SLC9A9: variants seen among roughly 807,000 people sequenced by gnomAD.
The protein encoded by SLC9A9 is solute carrier family 9 member A9.
In SLC9A9, 62 loss-of-function variants were observed where a neutral mutation model predicts 77.8. The observed-to-expected ratio is 0.80, with a 90% confidence interval of 0.65 to 0.98. The LOEUF (loss-of-function observed/expected upper bound fraction) is 0.98, where lower values mean the gene tolerates loss of function less well. SLC9A9 is among the 50% of genes least tolerant of loss of function. The pLI, the probability that SLC9A9 is intolerant of heterozygous loss-of-function variation, is 0.00. For missense variants in SLC9A9, 775 were observed against 774.9 expected (o/e 1.00, Z 0.00); for synonymous variants, 320 against 283.5 (o/e 1.13, Z -1.29).
intron 5 of SLC9A9, among the ~76,000 whole-genome samples, chr3:143,679,794 A>G (rs1233466133): frequency 2.0e-5 from 3 of 152,252 alleles, no homozygotes; most frequent in African/African-American, 4.8e-5. Flanking sequence ...AAATCAACAA[A>G]CAAAAAACGG....
chr3:143,568,290 C>A (rs1167778789), intron 8 of SLC9A9, among the ~76,000 whole-genome samples: 2 of 152,010 alleles, frequency 1.3e-5, no homozygotes, highest in East Asian at 3.9e-4. Context: ...TGTCCTAATT[C>A]TCTTTGTCAG....
chr3:143,470,084 A>G (rs838623), intron 11 of SLC9A9, among the ~76,000 whole-genome samples: 3 of 152,218 alleles, frequency 2.0e-5, no homozygotes, highest in South Asian at 2.1e-4. Flanking sequence ...TCAAGGAAAC[A>G]GTCGTACAAT....
chr3:143,481,782 C>G (rs2035579185), intron 11 of SLC9A9, among the ~76,000 whole-genome samples: 1 of 152,090 alleles, frequency 6.6e-6, no homozygotes, highest in Non-Finnish European at 1.5e-5. Context: ...TGGAAGTGTC[C>G]CCTTTACATG....
At chr3:143,402,475 G>A (rs1227554702) in intron 12 of SLC9A9, among the ~76,000 whole-genome samples, 2 of 113,900 alleles carry the variant, frequency 1.8e-5, no homozygotes, top group African/African-American at 6.7e-5. Flanking sequence ...TTGTAGAACT[G>A]AAAGATACTT....
At chr3:143,508,044 A>G (rs950297336) in intron 9 of SLC9A9, among the ~76,000 whole-genome samples, 1 of 152,236 alleles carries the variant, frequency 6.6e-6, no homozygotes, top group African/African-American at 2.4e-5. Flanking sequence ...GGATACAAAC[A>G]TGCAGTCCAT....
At chr3:143,469,179 CA>C (rs2035335569) in intron 11 of SLC9A9, among the ~76,000 whole-genome samples, 1 of 150,354 alleles carries the variant, frequency 6.7e-6, no homozygotes, top group African/African-American at 2.5e-5. Flanking sequence ...AACAAACAAA[CA>C]AAAAACAAAT....
At chr3:143,669,872 G>A (rs1036338100) in intron 5 of SLC9A9, among the ~76,000 whole-genome samples, 2 of 152,138 alleles carry the variant, frequency 1.3e-5, no homozygotes, top group African/African-American at 4.8e-5. Context: ...TATGCAAAAT[G>A]TTTGGCATAT....
chr3:143,804,621 C>A (rs1397358999), intron 2 of SLC9A9, among the ~76,000 whole-genome samples: 1 of 152,196 alleles, frequency 6.6e-6, no homozygotes, highest in Non-Finnish European at 1.5e-5. Flanking sequence ...TACCTGCTAA[C>A]TGGACAGGCA....
intron 6 of SLC9A9, among the ~76,000 whole-genome samples, chr3:143,636,892 G>A (rs561501063): frequency 2.2e-4 from 34 of 152,184 alleles, no homozygotes; most frequent in Middle Eastern, 3.4e-3. Flanking sequence ...GAATTCATAC[G>A]GAGCCTTAGC....
intron 14 of SLC9A9, among the ~76,000 whole-genome samples, chr3:143,322,419 T>C (rs1251391048): frequency 6.6e-6 from 1 of 152,162 alleles, no homozygotes; most frequent in African/African-American, 2.4e-5. Context: ...TTTTCAGAAC[T>C]TCAGATTCAG....
At chr3:143,730,858 T>A (rs149629950) in intron 4 of SLC9A9, among the ~76,000 whole-genome samples, 3 of 149,856 alleles carry the variant, frequency 2.0e-5, no homozygotes, top group African/African-American at 7.6e-5. Context: ...TCAGCATGAC[T>A]TAAAAAAAAA....
intron 14 of SLC9A9, among the ~76,000 whole-genome samples, chr3:143,361,095 C>G (rs1422479147): frequency 6.6e-6 from 1 of 152,176 alleles, no homozygotes; most frequent in Non-Finnish European, 1.5e-5. Context: ...ACTTGCCAGC[C>G]CCCACAACTG....
At chr3:143,685,133 G>A (rs1008613319) in intron 5 of SLC9A9, among the ~76,000 whole-genome samples, 5 of 151,916 alleles carry the variant, frequency 3.3e-5, no homozygotes, top group Non-Finnish European at 2.9e-5. Flanking sequence ...TCTTAAAAAG[G>A]TAAAAAGAAA....
intron 4 of SLC9A9, among the ~76,000 whole-genome samples, chr3:143,744,786 T>C (rs535791629): frequency 2.0e-4 from 30 of 152,254 alleles, no homozygotes; most frequent in African/African-American, 7.0e-4. Context: ...AAGTGGAGAA[T>C]CAGAGGAAAG....
chr3:143,634,214 T>A (rs1402254251), intron 6 of SLC9A9, among the ~76,000 whole-genome samples: 1 of 152,192 alleles, frequency 6.6e-6, no homozygotes, highest in Non-Finnish European at 1.5e-5. Context: ...AATGAAACTT[T>A]CCTGAAATCT....
At chr3:143,391,441 C>A (rs1398948482) in intron 12 of SLC9A9, among the ~76,000 whole-genome samples, 1 of 152,228 alleles carries the variant, frequency 6.6e-6, no homozygotes, top group Non-Finnish European at 1.5e-5. Flanking sequence ...CACACCAAAA[C>A]CCCATCTGTA....
intron 9 of SLC9A9, among the ~76,000 whole-genome samples, chr3:143,498,697 C>A (rs1335087384): frequency 6.6e-6 from 1 of 152,082 alleles, no homozygotes; most frequent in East Asian, 1.9e-4. Context: ...AAATTAACAG[C>A]ATCCCAGAAT....
chr3:143,751,714 G>A (rs1170850058), intron 4 of SLC9A9, among the ~76,000 whole-genome samples: 1 of 152,210 alleles, frequency 6.6e-6, no homozygotes, highest in African/African-American at 2.4e-5. Flanking sequence ...GAGCCTATCT[G>A]TGAGAGGGAT....
intron 12 of SLC9A9, among the ~76,000 whole-genome samples, chr3:143,436,977 A>C (rs897358735): frequency 3.9e-5 from 6 of 152,190 alleles, no homozygotes; most frequent in African/African-American, 1.4e-4. Flanking sequence ...ATTGAGCTAG[A>C]TTTCCCTGTT....
Sources: allele counts gnomAD v4.1 joint callset (sites outside exome capture counted in the v4.1 genomes callset), GRCh38; gene constraint gnomAD v4.1.1; transcripts MANE v1.5; gene names NCBI Gene and HGNC (gene_info 2026-07-23, HGNC 2026-07-21).